The following ARHGAP17 variants were observed in gnomAD, a reference collection of about 807,000 sequenced individuals.
The protein encoded by ARHGAP17 is rho GTPase-activating protein 17.
Under a neutral mutation model 99.5 loss-of-function variants are expected in ARHGAP17, and 57 were observed. That is an observed-to-expected ratio of 0.57 (90% CI 0.46 to 0.71). ARHGAP17 has a LOEUF of 0.71. Ranked by LOEUF, ARHGAP17 falls within the 30% of genes least tolerant of loss-of-function variation. ARHGAP17 has a pLI of 0.00. For missense variants in ARHGAP17, 1,000 were observed against 1,122.4 expected, an observed-to-expected ratio of 0.89 and a Z score of 1.56; for synonymous variants, 417 against 429.6, an observed-to-expected ratio of 0.97 and a Z score of 0.36.
chr16:24,977,113 G>A, intron 3 of ARHGAP17, 102 bp downstream of exon 3: 1 of 861,260 alleles, frequency 1.2e-6, no homozygotes, highest in East Asian at 3.0e-5. Context: ...AGTCACCAAA[G>A]GCTGATCCAC....
intron 1 of ARHGAP17, among the ~76,000 whole-genome samples, chr16:24,988,860 A>G (rs2052951449): frequency 6.6e-6 from 1 of 152,236 alleles, no homozygotes; most frequent in African/African-American, 2.4e-5. Flanking sequence ...CCTCTCAGGC[A>G]TTCCAAGTGC....
chr16:24,970,692 G>A (rs1008015425), intron 3 of ARHGAP17, 112 bp from the exon 4 acceptor site: 1 of 938,752 alleles, frequency 1.1e-6, no homozygotes, highest in Non-Finnish European at 1.7e-6. Context: ...TACACAGGTA[G>A]GAGACAGCCT....
At chr16:24,956,075 T>C (rs998778149) in intron 9 of ARHGAP17, 6 of 152,164 alleles carry the variant, frequency 3.9e-5, no homozygotes, top group Non-Finnish European at 7.3e-5. Flanking sequence ...GTCCCTTTTA[T>C]CTAAAGCAAT....
At chr16:24,968,456 G>A (rs374891150) in intron 5 of ARHGAP17, 29 bp from the exon 6 acceptor site, 106 of 1,610,818 alleles carry the variant, frequency 6.6e-5, no homozygotes, top group Non-Finnish European at 9.0e-5. Flanking sequence ...CAAATGGGAT[G>A]CACTTCAGGG....
At chr16:24,922,369 T>G (rs1012880426) in intron 19 of ARHGAP17, among the ~76,000 whole-genome samples, 1 of 152,230 alleles carries the variant, frequency 6.6e-6, no homozygotes, top group Admixed American at 6.5e-5. Context: ...CCTCCACAGC[T>G]GCTCTCTTTT....
intron 17 of ARHGAP17, among the ~76,000 whole-genome samples, chr16:24,938,780 AAAAAAAAAAAAG>A: frequency 6.6e-6 from 1 of 151,524 alleles, no homozygotes; most frequent in African/African-American, 2.4e-5. Flanking sequence ...TCAGAAAAAA[AAAAAAAAAAAAG>A]AAAAAAGAAA....
rs926998495 is a variant in ARHGAP17 at position 24,947,379 on chromosome 16, T to C, written c.1241+103A>G. The C allele has an allele frequency of 6.1e-5, 65 of 1,065,560 alleles. No individual in the cohort carries two copies. The Admixed American group carries it at 1.2e-3, about 20-fold the overall frequency. The allele number at this position is 1,065,560 out of a possible 1,614,324, so 66.0% of individuals were successfully genotyped here. On this transcript the variant is annotated intron_variant, in intron 14 of 19. Coordinates refer to ENST00000289968, the MANE Select transcript of ARHGAP17 (RefSeq NM_001006634.3). ...ATGAGAAAACCAACTTCAGAATACC[T>C]TGAATTGATCTTAAACTAGAATGTG...
intron 1 of ARHGAP17, among the ~76,000 whole-genome samples, chr16:24,996,217 C>T (rs763080005): frequency 1.3e-5 from 2 of 152,168 alleles, no homozygotes; most frequent in African/African-American, 4.8e-5. Context: ...TTCCTATCAT[C>T]AATAATTTCA....
intron 1 of ARHGAP17, among the ~76,000 whole-genome samples, chr16:24,985,204 ACACT>A (rs914635703): frequency 2.2e-5 from 3 of 138,596 alleles, no homozygotes; most frequent in African/African-American, 5.5e-5. Flanking sequence ...ACACACACAC[ACACT>A]AAATAATATA....
At chr16:24,990,877 C>G (rs527527580) in intron 1 of ARHGAP17, among the ~76,000 whole-genome samples, 1 of 150,126 alleles carries the variant, frequency 6.7e-6, no homozygotes, top group Non-Finnish European at 1.5e-5. Context: ...GGTGGCAGAA[C>G]GAGCAGCAGG....
chr16:24,963,937 C>G (rs1435323123), intron 7 of ARHGAP17, among the ~76,000 whole-genome samples: 2 of 151,798 alleles, frequency 1.3e-5, no homozygotes, highest in Admixed American at 1.3e-4. Flanking sequence ...CTATGGTTTT[C>G]TTTCCTTTTT....
intron 7 of ARHGAP17, among the ~76,000 whole-genome samples, chr16:24,960,906 C>T (rs1191486351): frequency 6.6e-6 from 1 of 152,052 alleles, no homozygotes; most frequent in Non-Finnish European, 1.5e-5. Flanking sequence ...GAGTCTCACT[C>T]TGTCACCCAA....
chr16:24,991,684 G>C (rs2053047929), intron 1 of ARHGAP17, among the ~76,000 whole-genome samples: 1 of 152,190 alleles, frequency 6.6e-6, no homozygotes, highest in Non-Finnish European at 1.5e-5. Flanking sequence ...TCCCACCACT[G>C]CTAAGGAAGC....
intron 1 of ARHGAP17, among the ~76,000 whole-genome samples, chr16:25,006,225 A>C (rs1406598178): frequency 6.6e-6 from 1 of 151,880 alleles, no homozygotes; most frequent in Admixed American, 6.6e-5. Flanking sequence ...TCAACAGATA[A>C]TCAAGGTCAG....
rs536547947 is a variant in ARHGAP17, at chr16:24,939,617, A to G, written c.1491-20T>C. Reference sequence around the variant, plus strand: ...CCAAAGCTACACAGAGAGAAGAAACAGTCAACACACCATGCGAGCAGACTA... The same window carrying G: ...CCAAAGCTACACAGAGAGAAGAAACGGTCAACACACCATGCGAGCAGACTA... On this transcript the variant is annotated intron_variant, in intron 16 of 19. Coordinates refer to ENST00000289968, the MANE Select transcript of ARHGAP17 (RefSeq NM_001006634.3). The G allele has an allele frequency of 3.8e-6, 6 of 1,586,348 alleles. No homozygotes were observed. The East Asian group carries it at 9.1e-5, about 24-fold the overall frequency.
At chr16:24,982,986 ATATATATATATTTT>A (rs2052733732) in intron 1 of ARHGAP17, among the ~76,000 whole-genome samples, 1 of 28,948 alleles carries the variant, frequency 3.5e-5, no homozygotes, top group African/African-American at 1.7e-4. Context: ...ATATATATAT[ATATATATATATTTT>A]TTTTTTTTTT....
chr16:25,013,215 C>T (rs1424248019), intron 1 of ARHGAP17, among the ~76,000 whole-genome samples: 1 of 152,134 alleles, frequency 6.6e-6, no homozygotes, highest in Non-Finnish European at 1.5e-5. Context: ...GCAAGAGGTG[C>T]CTGGAGAAAA....
intron 1 of ARHGAP17, among the ~76,000 whole-genome samples, chr16:24,989,217 C>T (rs59562052): frequency 0.037 from 5,696 of 152,222 alleles, 342 homozygotes; most frequent in African/African-American, 0.13. Flanking sequence ...TGGGGAGGTG[C>T]ACAGCGTCTG....
chr16:24,920,738 T>A (rs140494538), intron 19 of ARHGAP17: 2 of 154,784 alleles, frequency 1.3e-5, no homozygotes, highest in African/African-American at 4.8e-5. Flanking sequence ...TCCTGTGCAT[T>A]GTAGGTGTCA....
Sources: gnomAD v4.1 joint callset for allele counts (sites outside exome capture counted in the v4.1 genomes callset) on GRCh38, gnomAD v4.1.1 for gene constraint, MANE v1.5 for transcripts, NCBI Gene and HGNC (gene_info 2026-07-23, HGNC 2026-07-21) for gene names.